The following ELAVL2 variants were observed in gnomAD, a reference collection of about 807,000 sequenced individuals.
The protein encoded by ELAVL2 is ELAV-like protein 2.
In ELAVL2, 4 loss-of-function variants were observed where a neutral mutation model predicts 34.6. The observed-to-expected ratio is 0.12, with a 90% CI of 0.06 to 0.26. The LOEUF is 0.26. Ranked by LOEUF, ELAVL2 falls within the 10% of genes least tolerant of loss-of-function variation. The pLI, the probability that ELAVL2 is intolerant of heterozygous loss-of-function variation, is 1.00. For missense variants in ELAVL2, 432 were observed against 442.8 expected, an observed-to-expected ratio of 0.98 and a Z score of 0.22; for synonymous variants, 193 against 154.8, an observed-to-expected ratio of 1.25 and a Z score of -1.83.
At chr9:23,738,565 C>T (rs1192971225) in intron 2 of ELAVL2, among the ~76,000 whole-genome samples, 1 of 152,152 alleles carries the variant, frequency 6.6e-6, no homozygotes, top group Non-Finnish European at 1.5e-5. Flanking sequence ...GAGAATTCAA[C>T]CTAGACACTC....
At position 23,731,062 on chromosome 9, in the gene ELAVL2, T is replaced by C; in HGVS notation, c.293A>G (p.Asn98Ser). 1.9e-6 allele frequency: 3 copies of C among 1,613,322 alleles called. No homozygotes were observed. The highest frequency in any genetic ancestry group is 2.5e-6 in the Non-Finnish European group (3 of 1,179,486). ...TTGAAGTCTCAATCCATTCAGGGTG[T>C]TGATAGCTTTCTCTGCATCCTTGGG... is the stretch of plus-strand genomic sequence containing the variant. ...IDPKDAEKAI[N>S]TLNGLRLQTK... The change falls in exon 3 of 7, where the codon AAC becomes AGC. Residue 98 changes from asparagine to serine, a missense_variant. Asn to Ser is a conservative substitution (Grantham distance 46, BLOSUM62 1). Coordinates refer to ENST00000397312, the MANE Select transcript of ELAVL2 (RefSeq NM_004432.5).
At chr9:23,733,105 G>A (rs1266399190) in intron 2 of ELAVL2, among the ~76,000 whole-genome samples, 1 of 146,260 alleles carries the variant, frequency 6.8e-6, no homozygotes, top group Non-Finnish European at 1.5e-5. Context: ...TCCTCCTCCT[G>A]CATCTTAGCA....
intron 1 of ELAVL2, among the ~76,000 whole-genome samples, chr9:23,796,293 A>T (rs1002399028): frequency 1.3e-5 from 2 of 152,208 alleles, no homozygotes; most frequent in Non-Finnish European, 2.9e-5. Flanking sequence ...AAAAGCTCTT[A>T]CTTCTAATAA....
At chr9:23,763,503 G>A (rs1026808529) in intron 1 of ELAVL2, among the ~76,000 whole-genome samples, 5 of 152,060 alleles carry the variant, frequency 3.3e-5, no homozygotes, top group Non-Finnish European at 7.4e-5. Context: ...ATTCTGAATT[G>A]ACGGGATGCT....
At chr9:23,822,496 G>T (rs963508464) in intron 1 of ELAVL2, among the ~76,000 whole-genome samples, 5 of 152,084 alleles carry the variant, frequency 3.3e-5, no homozygotes, top group Non-Finnish European at 7.4e-5. Context: ...TCTTCACCGA[G>T]GGGGCGTCCC....
At chr9:23,726,815 AT>A (rs11362894) in intron 3 of ELAVL2, among the ~76,000 whole-genome samples, 149,465 of 152,134 alleles carry the variant, frequency 0.98, 73,439 homozygotes, top group East Asian at 1. Context: ...TACTATTTAG[AT>A]TTTTTTCAAT....
chr9:23,720,680 C>T (rs1587684372), intron 3 of ELAVL2, among the ~76,000 whole-genome samples: 1 of 152,098 alleles, frequency 6.6e-6, no homozygotes, highest in East Asian at 1.9e-4. Flanking sequence ...TTAGTGAATC[C>T]CAGCCATTCA....
chr9:23,720,073 C>T (rs1269839083), intron 3 of ELAVL2, among the ~76,000 whole-genome samples: 2 of 151,962 alleles, frequency 1.3e-5, no homozygotes, highest in East Asian at 1.9e-4. Context: ...GTGATCCACC[C>T]GCCTCAGCCT....
chr9:23,760,589 A>G (rs1342128040), intron 2 of ELAVL2, among the ~76,000 whole-genome samples: 1 of 152,066 alleles, frequency 6.6e-6, no homozygotes, highest in Non-Finnish European at 1.5e-5. Flanking sequence ...CAACTTATTA[A>G]AAACACTATA....
At chr9:23,736,329 A>G (rs2047880604) in intron 2 of ELAVL2, among the ~76,000 whole-genome samples, 2 of 152,234 alleles carry the variant, frequency 1.3e-5, no homozygotes, top group South Asian at 2.1e-4. Flanking sequence ...TAAGCATTCA[A>G]TAACTATGGG....
chr9:23,835,696 C>G, the ELAVL2 span, among the ~76,000 whole-genome samples: 1 of 152,110 alleles, frequency 6.6e-6, no homozygotes, highest in Non-Finnish European at 1.5e-5. Context: ...TTTGCAGTTC[C>G]CTCCTGGGCT....
chr9:23,712,670 C>G lies in ELAVL2; in HGVS notation c.334-7599G>C, dbSNP rs150605933. Among the ~76,000 whole-genome samples, 59 of 152,166 alleles carry G rather than the reference C, an allele frequency of 3.9e-4. No individual in the cohort carries two copies. The East Asian group carries it at 0.01, about 27-fold the overall frequency. On this transcript the variant is annotated intron_variant, in intron 3 of 6. Transcript: ENST00000397312. ...TCTCTCCCTTTTATAAGATTACAAA[C>G]CAATTAACAGGAAAACAGAATGGCA...
At chr9:23,707,944 G>A (rs2039851376) in intron 3 of ELAVL2, among the ~76,000 whole-genome samples, 1 of 152,126 alleles carries the variant, frequency 6.6e-6, no homozygotes. Flanking sequence ...GATGAGTGTA[G>A]GTGGTGTGTC....
intron 3 of ELAVL2, among the ~76,000 whole-genome samples, chr9:23,707,011 T>G (rs2039536204): frequency 6.6e-6 from 1 of 152,216 alleles, no homozygotes; most frequent in African/African-American, 2.4e-5. Context: ...AAAGGCTATG[T>G]TTGGAAGTTA....
At chr9:23,740,170 C>T (rs528546909) in intron 2 of ELAVL2, among the ~76,000 whole-genome samples, 1 of 152,252 alleles carries the variant, frequency 6.6e-6, no homozygotes, top group East Asian at 1.9e-4. Flanking sequence ...GGGAAAAATG[C>T]CCATTCCCAC....
At chr9:23,731,170 G>C in intron 2 of ELAVL2, 45 bp from the exon 3 acceptor site, 1 of 1,527,228 alleles carries the variant, frequency 6.5e-7, no homozygotes, top group Middle Eastern at 1.7e-4. Context: ...GTTCTATACT[G>C]TTGACAGAGA....
At chr9:23,764,305 G>A (rs1356925318) in intron 1 of ELAVL2, among the ~76,000 whole-genome samples, 1 of 152,142 alleles carries the variant, frequency 6.6e-6, no homozygotes, top group Non-Finnish European at 1.5e-5. Flanking sequence ...ACTGAAATCA[G>A]CAAGATTTAG....
chr9:23,722,568 G>C (rs2044014974), intron 3 of ELAVL2, among the ~76,000 whole-genome samples: 1 of 152,108 alleles, frequency 6.6e-6, no homozygotes, highest in South Asian at 2.1e-4. Context: ...ACACTCAAAG[G>C]CCCAAATTAA....
intron 2 of ELAVL2, among the ~76,000 whole-genome samples, chr9:23,731,966 T>C (rs1348531542): frequency 3.9e-5 from 6 of 152,138 alleles, no homozygotes; most frequent in Non-Finnish European, 8.8e-5. Flanking sequence ...AGCAGTTGCA[T>C]CAATGGAATG....
Sources: allele counts gnomAD v4.1 joint callset (sites outside exome capture counted in the v4.1 genomes callset), GRCh38; gene constraint gnomAD v4.1.1; transcripts MANE v1.5; gene names NCBI Gene and HGNC (gene_info 2026-07-23, HGNC 2026-07-21).